Variants in ALPK2 observed in about 807,000 individuals in gnomAD.
The protein encoded by ALPK2 is alpha kinase 2, also known as alpha-protein kinase 2.
ALPK2 carries 127 observed loss-of-function variants against 163.1 expected under a neutral mutation model. The observed-to-expected ratio is 0.78, with a 90% CI of 0.67 to 0.90. ALPK2 has a LOEUF of 0.90. Ranked by LOEUF, ALPK2 falls within the 40% of genes least tolerant of loss-of-function variation. ALPK2 has a pLI of 0.00. For missense variants in ALPK2, 2,360 were observed against 2,589.6 expected, an observed-to-expected ratio of 0.91 and a Z score of 1.92; for synonymous variants, 953 against 959.1, an observed-to-expected ratio of 0.99 and a Z score of 0.12.
chr18:58,529,965 A>T (rs2051604261), intron 5 of ALPK2, among the ~76,000 whole-genome samples: 1 of 152,262 alleles, frequency 6.6e-6, no homozygotes, highest in African/African-American at 2.4e-5. Context: ...CAAGACAAGG[A>T]TGAGGCCCCT....
In ALPK2 at chr18:58,498,033, A is replaced by C. The variant is rs1345723637; in HGVS notation, c.6296+16T>G. 16 of 1,613,608 alleles carry C rather than the reference A, an allele frequency of 9.9e-6. No individual in the cohort carries two copies. The highest frequency in any genetic ancestry group is 1.4e-5 in the Non-Finnish European group (16 of 1,179,648). On this transcript the variant is annotated intron_variant, in intron 12 of 12. Coordinates refer to ENST00000361673, the MANE Select transcript of ALPK2 (RefSeq NM_052947.4). Reference sequence around the variant, plus strand: ...CCCAGTGTTAATTGATGCACACTCCATTTTTTCCTACTCACCCTTTAGCCA... The same window carrying C: ...CCCAGTGTTAATTGATGCACACTCCCTTTTTTCCTACTCACCCTTTAGCCA...
At chr18:58,607,954 C>T (rs1433663711) in intron 2 of ALPK2, among the ~76,000 whole-genome samples, 1 of 152,140 alleles carries the variant, frequency 6.6e-6, no homozygotes. Context: ...GTTTATTGCT[C>T]TGTAGGACAT....
chr18:58,536,714 G>A lies in ALPK2; in HGVS notation c.3473C>T (p.Pro1158Leu). The A allele has an allele frequency of 6.2e-7, 1 of 1,614,164 alleles. No homozygotes were observed. The highest frequency in any genetic ancestry group is 1.1e-5 in the South Asian group (1 of 91,078). ...LSAPDFQQSL[P>L]TTSAAQEERN... Reference sequence around the variant, plus strand: ...TTCCTCTTGTGCAGCAGATGTCGTAGGCAAACTTTGTTGGAAATCAGGTGC... The same window carrying A: ...TTCCTCTTGTGCAGCAGATGTCGTAAGCAAACTTTGTTGGAAATCAGGTGC... Residue 1158 changes from proline (P) to leucine (L), a missense_variant, in exon 5 of 13, where the codon CCT becomes CTT. Transcript: ENST00000361673.
intron 4 of ALPK2, among the ~76,000 whole-genome samples, chr18:58,574,438 CA>C (rs34107333): frequency 0.17 from 8,228 of 49,350 alleles, 191 homozygotes; most frequent in East Asian, 0.26. Flanking sequence ...GACTCCATCT[CA>C]AAAAAAAAAA....
At chr18:58,625,014 C>A (rs61115112) in intron 1 of ALPK2, among the ~76,000 whole-genome samples, 1 of 152,070 alleles carries the variant, frequency 6.6e-6, no homozygotes, top group Non-Finnish European at 1.5e-5. Flanking sequence ...TTTCTGATTT[C>A]CATATTCATT....
chr18:58,544,427 C>T (rs2051706968), intron 4 of ALPK2: 1 of 152,152 alleles, frequency 6.6e-6, no homozygotes, highest in African/African-American at 2.4e-5. Flanking sequence ...TCATGCCAGC[C>T]AAGTGCATGA....
intron 4 of ALPK2, among the ~76,000 whole-genome samples, chr18:58,542,584 A>G (rs1348084902): frequency 2.0e-5 from 3 of 152,256 alleles, no homozygotes; most frequent in Admixed American, 1.3e-4. Context: ...GAAGAGTGCT[A>G]TAAGGTATAA....
intron 4 of ALPK2, among the ~76,000 whole-genome samples, chr18:58,553,848 TG>T (rs2051772769): frequency 1.6e-5 from 2 of 124,358 alleles, no homozygotes; most frequent in Non-Finnish European, 1.6e-5. Context: ...GTTTTTTTTT[TG>T]GTTTTTTTTT....
intron 4 of ALPK2, among the ~76,000 whole-genome samples, chr18:58,567,586 A>T (rs1380725595): frequency 6.6e-6 from 1 of 152,150 alleles, no homozygotes; most frequent in Admixed American, 6.6e-5. Flanking sequence ...GTTTGCCAGG[A>T]CATGTTTCTG....
chr18:58,583,011 C>T (rs1032269052), intron 3 of ALPK2, among the ~76,000 whole-genome samples: 2 of 152,068 alleles, frequency 1.3e-5, no homozygotes, highest in Admixed American at 6.6e-5. Context: ...CCTCTCTGGA[C>T]CTTAGAAGGT....
intron 10 of ALPK2, among the ~76,000 whole-genome samples, chr18:58,507,630 G>A (rs769003655): frequency 1.3e-5 from 2 of 152,182 alleles, no homozygotes; most frequent in African/African-American, 2.4e-5. Flanking sequence ...AGGAAAGCTC[G>A]AGCTGGGACC....
intron 4 of ALPK2, 58 bp downstream of exon 4, chr18:58,578,756 A>ACG: frequency 1.6e-6 from 2 of 1,243,282 alleles, no homozygotes; most frequent in African/African-American, 3.2e-5. Context: ...ACACACACAC[A>ACG]CACACACACA....
At chr18:58,564,237 C>G (rs528499303) in intron 4 of ALPK2, among the ~76,000 whole-genome samples, 209 of 150,668 alleles carry the variant, frequency 1.4e-3, no homozygotes, top group African/African-American at 5.1e-3. Flanking sequence ...ATTCTCCTGC[C>G]TCAGCCTCCC....
At chr18:58,491,881 A>G (rs376234977) in intron 12 of ALPK2, among the ~76,000 whole-genome samples, 4 of 152,212 alleles carry the variant, frequency 2.6e-5, no homozygotes, top group African/African-American at 9.6e-5. Context: ...CAGCATTCCC[A>G]CTAGGTACAG....
rs754114949 is a variant in ALPK2 at position 58,579,640 on chromosome 18, C to A, written c.1136G>T (p.Ser379Ile). The part of the protein sequence containing the change: ...HCLGGCEHFL[S>I]GMGCGSRVSG... ...CACCCGAGACCCACAACCCATTCCA[C>A]TGAGGAAATGCTCACACCCACCCAG... The change falls in exon 4 of 13, where the codon AGT becomes ATT. Residue 379 changes from serine (S) to isoleucine (I), a missense_variant. By Grantham distance (142) the Ser-to-Ile change is moderately radical (BLOSUM62 -2). Coordinates refer to ENST00000361673, the MANE Select transcript of ALPK2 (RefSeq NM_052947.4). 6.2e-7 allele frequency: 1 copy of A among 1,614,144 alleles called. No homozygotes were observed. Among genetic ancestry groups the A allele is most frequent in the East Asian group, 2.2e-5 (1 of 44,880 alleles).
At chr18:58,568,535 C>G (rs889164628) in intron 4 of ALPK2, among the ~76,000 whole-genome samples, 7 of 152,128 alleles carry the variant, frequency 4.6e-5, no homozygotes, top group African/African-American at 2.4e-5. Flanking sequence ...CTGAGCTCTA[C>G]CCTCGATCTA....
chr18:58,577,689 T>A (rs1354857579), intron 4 of ALPK2, among the ~76,000 whole-genome samples: 1 of 152,240 alleles, frequency 6.6e-6, no homozygotes, highest in African/African-American at 2.4e-5. Flanking sequence ...CCTGGCCAGT[T>A]TGGCCAGCAG....
In ALPK2 at chr18:58,537,078, C is replaced by T; in HGVS notation, c.3109G>A (p.Glu1037Lys). Residue 1037 changes from glutamate to lysine, a missense_variant, in exon 5 of 13, where the codon GAG becomes AAG. By Grantham distance (56) the Glu-to-Lys change is moderately conservative (BLOSUM62 1). Transcript: ENST00000361673. ...IPEDKHAGGT[E>K]ERFPRASHEK... is the part of the protein sequence containing the mutation. ...TGGGATGCACGAGGGAACCTCTCCT[C>T]AGTGCCACCTGCATGCTTGTCCTCA... The T allele has an allele frequency of 6.2e-7, 1 of 1,614,216 alleles. No homozygotes were observed. Among genetic ancestry groups the T allele is most frequent in the Non-Finnish European group, 8.5e-7 (1 of 1,180,024 alleles).
intron 11 of ALPK2, among the ~76,000 whole-genome samples, chr18:58,502,723 A>G (rs1273489013): frequency 1.3e-5 from 2 of 152,114 alleles, no homozygotes; most frequent in Non-Finnish European, 2.9e-5. Context: ...CACCCCAACC[A>G]CTTCTGTGCA....
Sources: gnomAD v4.1 joint callset for allele counts (sites outside exome capture counted in the v4.1 genomes callset) on GRCh38, gnomAD v4.1.1 for gene constraint, MANE v1.5 for transcripts, NCBI Gene and HGNC (gene_info 2026-07-23, HGNC 2026-07-21) for gene names.